LRRTM3: variants seen among roughly 807,000 people sequenced by gnomAD.
LRRTM3 encodes the protein leucine rich repeat transmembrane neuronal 3, also known as leucine-rich repeat transmembrane neuronal protein 3.
A neutral mutation model predicts 44.7 loss-of-function variants in LRRTM3; 24 were observed. The observed-to-expected ratio is 0.54, with a 90% CI of 0.39 to 0.76. The LOEUF (loss-of-function observed/expected upper bound fraction) is 0.76, where lower values mean the gene tolerates loss of function less well. Ranked by LOEUF, LRRTM3 falls within the 30% of genes least tolerant of loss-of-function variation. The probability of loss-of-function intolerance (pLI) is 0.00; values close to 1 mark genes in which losing one functional copy is unlikely to be tolerated. For synonymous variants in LRRTM3, 277 were observed against 278.7 expected (o/e 0.99, Z 0.06); for missense variants, 587 against 702.2 (o/e 0.84, Z 1.85).
chr10:67,058,676 A>T (rs1855581457), intron 2 of LRRTM3, among the ~76,000 whole-genome samples: 1 of 152,142 alleles, frequency 6.6e-6, no homozygotes, highest in Admixed American at 6.5e-5. Flanking sequence ...TGATGTAGAA[A>T]CATGAAGGAT....
intron 2 of LRRTM3, among the ~76,000 whole-genome samples, chr10:67,096,998 C>G (rs1184299541): frequency 6.6e-6 from 1 of 151,864 alleles, no homozygotes. Flanking sequence ...CTAGATAATT[C>G]TCTTCTGCAA....
chr10:66,976,595 G>T (rs1386199663), intron 2 of LRRTM3, among the ~76,000 whole-genome samples: 1 of 152,096 alleles, frequency 6.6e-6, no homozygotes, highest in East Asian at 1.9e-4. Flanking sequence ...AAAGAAAAAT[G>T]GTCATATTCC....
chr10:66,951,226 C>G (rs1244849393), intron 2 of LRRTM3, among the ~76,000 whole-genome samples: 1 of 151,880 alleles, frequency 6.6e-6, no homozygotes, highest in Non-Finnish European at 1.5e-5. Context: ...AGCGATTCTC[C>G]TGCCTCAGCC....
chr10:67,057,691 G>T (rs1413800229), intron 2 of LRRTM3, among the ~76,000 whole-genome samples: 1 of 151,968 alleles, frequency 6.6e-6, no homozygotes, highest in Non-Finnish European at 1.5e-5. Context: ...TGCTGAACTG[G>T]GTCCTCAGCC....
intron 2 of LRRTM3, among the ~76,000 whole-genome samples, chr10:66,985,195 C>A (rs1431293126): frequency 6.6e-6 from 1 of 152,118 alleles, no homozygotes; most frequent in Admixed American, 6.5e-5. Context: ...GAGTAAAAAA[C>A]AAATCAGGTA....
chr10:67,020,025 C>T (rs966350874), intron 2 of LRRTM3, among the ~76,000 whole-genome samples: 3 of 152,104 alleles, frequency 2.0e-5, no homozygotes, highest in Non-Finnish European at 4.4e-5. Context: ...CAACTGCTTT[C>T]CCTCACTGTG....
chr10:66,975,353 G>A (rs777722707), intron 2 of LRRTM3, among the ~76,000 whole-genome samples: 1 of 152,188 alleles, frequency 6.6e-6, no homozygotes, highest in Non-Finnish European at 1.5e-5. Flanking sequence ...TAAAGCAGAT[G>A]CCTAAGCATT....
At position 67,097,870 on chromosome 10, in the gene LRRTM3, T is replaced by C. The variant is rs976343198; in HGVS notation, c.*74T>C. 3.8e-6 allele frequency: 5 copies of C among 1,332,218 alleles called. No homozygotes were observed. The highest frequency in any genetic ancestry group is 2.4e-5 in the South Asian group (2 of 81,976). 82.5% of individuals were successfully genotyped at this position (1,332,218 alleles called of 1,614,324 possible). A position where few individuals can be genotyped will look rare whatever the true frequency, so the allele number is the denominator to read the frequency against. The stretch of plus-strand genomic sequence containing the variant: ...GGACAAAATGAGGAAGATGTGTTCA[T>C]TGTGGACTCTAAAAACAAAACAAAA... On this transcript the variant is annotated 3_prime_UTR_variant, in exon 3 of 3. Coordinates refer to ENST00000361320, the MANE Select transcript of LRRTM3 (RefSeq NM_178011.5).
At chr10:67,072,072 C>G (rs1413557251) in intron 2 of LRRTM3, among the ~76,000 whole-genome samples, 1 of 152,204 alleles carries the variant, frequency 6.6e-6, no homozygotes, top group Non-Finnish European at 1.5e-5. Flanking sequence ...CATGCTTCAG[C>G]CTCTTGAGTA....
intron 2 of LRRTM3, among the ~76,000 whole-genome samples, chr10:66,976,845 C>T (rs1464903923): frequency 1.3e-5 from 2 of 152,174 alleles, no homozygotes; most frequent in South Asian, 2.1e-4. Flanking sequence ...GAGATACCCA[C>T]GTTTTTGTTT....
At chr10:66,937,466 C>T (rs1157272424) in intron 2 of LRRTM3, among the ~76,000 whole-genome samples, 1 of 152,120 alleles carries the variant, frequency 6.6e-6, no homozygotes, top group African/African-American at 2.4e-5. Context: ...GTTCCAACTG[C>T]TAAAAATCTC....
intron 2 of LRRTM3, among the ~76,000 whole-genome samples, chr10:66,968,594 A>G (rs2132814259): frequency 6.6e-6 from 1 of 152,182 alleles, no homozygotes; most frequent in Admixed American, 6.6e-5. Flanking sequence ...CAGTGCCTAA[A>G]ACAGCACCTA....
intron 2 of LRRTM3, among the ~76,000 whole-genome samples, chr10:67,097,122 G>T (rs1454352865): frequency 6.6e-6 from 1 of 151,776 alleles, no homozygotes; most frequent in East Asian, 1.9e-4. Context: ...TTGGGTGGCA[G>T]GGGGTTGACT....
chr10:67,090,239 T>C (rs984713933), intron 2 of LRRTM3, among the ~76,000 whole-genome samples: 1 of 152,088 alleles, frequency 6.6e-6, no homozygotes, highest in Non-Finnish European at 1.5e-5. Flanking sequence ...GGTCAATATG[T>C]GTGTAGTAAG....
At chr10:67,081,297 A>G (rs1266893475) in intron 2 of LRRTM3, among the ~76,000 whole-genome samples, 3 of 152,210 alleles carry the variant, frequency 2.0e-5, no homozygotes, top group African/African-American at 7.2e-5. Context: ...TGAGAGTGAC[A>G]AGCAGTGAAA....
At chr10:66,977,655 C>T (rs565631236) in intron 2 of LRRTM3, among the ~76,000 whole-genome samples, 2 of 152,086 alleles carry the variant, frequency 1.3e-5, no homozygotes, top group Non-Finnish European at 2.9e-5. Context: ...TAAGCTGGGC[C>T]TTGTATGTTT....
intron 2 of LRRTM3, among the ~76,000 whole-genome samples, chr10:67,069,012 C>T (rs1002086218): frequency 5.3e-5 from 8 of 151,674 alleles, no homozygotes; most frequent in Non-Finnish European, 1.0e-4. Flanking sequence ...GCTCAGATCA[C>T]CACTGAACTC....
At position 67,099,895 on chromosome 10, in the gene LRRTM3, G is replaced by T. The variant is rs1457397113; in HGVS notation, c.*2099G>T. ...ATTGAAATTTGGCTTTACGTCGTTA[G>T]CAAATTTATAAAGGGTTATAAAGCT... is the stretch of plus-strand genomic sequence containing the variant. On this transcript the variant is annotated 3_prime_UTR_variant, in exon 3 of 3. Transcript: ENST00000361320. The T allele has an allele frequency of 6.6e-6, 1 of 151,384 alleles. No homozygotes were observed. The highest frequency in any genetic ancestry group is 1.5e-5 in the Non-Finnish European group (1 of 67,738). The allele number at this position is 151,384 out of a possible 1,614,324, so 9.4% of individuals were successfully genotyped here.
At chr10:66,945,655 A>G (rs1022272062) in intron 2 of LRRTM3, among the ~76,000 whole-genome samples, 1 of 152,200 alleles carries the variant, frequency 6.6e-6, no homozygotes, top group Non-Finnish European at 1.5e-5. Flanking sequence ...TTGGCAAAAG[A>G]GGCCTAGCTT....
Sources: allele counts gnomAD v4.1 joint callset (sites outside exome capture counted in the v4.1 genomes callset), GRCh38; gene constraint gnomAD v4.1.1; transcripts MANE v1.5; gene names NCBI Gene and HGNC (gene_info 2026-07-23, HGNC 2026-07-21).